The following DHX33 variants were observed in gnomAD, a reference collection of about 807,000 sequenced individuals.
DHX33 encodes DEAH-box helicase 33.
In DHX33, 42 loss-of-function variants were observed where a neutral mutation model predicts 72.5. The ratio of observed to expected loss-of-function variants is 0.58; its 90% CI spans 0.45 to 0.75. The LOEUF (loss-of-function observed/expected upper bound fraction) is 0.75. DHX33 is among the 30% of genes least tolerant of loss of function. The pLI is 0.00. For missense variants in DHX33, 842 were observed against 917.5 expected (o/e 0.92, Z 1.06); for synonymous variants, 358 against 366.1 (o/e 0.98, Z 0.25).
In DHX33 at chr17:5,456,041, G is replaced by C; in HGVS notation, c.991C>G (p.Leu331Val). The change falls in exon 5 of 12, where the codon CTG becomes GTG. Residue 331 changes from leucine to valine, a missense_variant. By Grantham distance (32) the Leu-to-Val change is conservative. Coordinates refer to ENST00000225296, the MANE Select transcript of DHX33 (RefSeq NM_020162.4). The stretch of plus-strand genomic sequence containing the variant: ...ACTCGGAGCTGCTGTGCATAGGGCA[G>C]GGAGGCGTACAGAGGAAGGACCAGC... The part of the protein sequence containing the change: ...AMLVLPLYAS[L>V]PYAQQLRVFQ... 2 of 1,613,232 alleles carry C rather than the reference G, an allele frequency of 1.2e-6. No homozygotes were observed. The highest frequency in any genetic ancestry group is 2.2e-5 in the South Asian group (2 of 91,036).
intron 8 of DHX33, among the ~76,000 whole-genome samples, chr17:5,452,553 A>G (rs931941600): frequency 6.7e-6 from 1 of 149,980 alleles, no homozygotes; most frequent in African/African-American, 2.5e-5. Context: ...ACAAAAACAA[A>G]AACAAAAACA....
chr17:5,444,364 C>G lies in DHX33; in HGVS notation c.1965G>C (p.Ser655=). Reference sequence around the variant, plus strand: ...CCGGCTTGCAGTGGAAGAGGACAGACGACGGGTGGATGGCCACTGGCTGGT... The same window carrying G: ...CCGGCTTGCAGTGGAAGAGGACAGAGGACGGGTGGATGGCCACTGGCTGGT... The part of the protein sequence containing the change: ...DTHQPVAIHP[S]SVLFHCKPAC... The change falls in exon 12 of 12, where the codon TCG becomes TCC. Residue 655 remains serine, a synonymous_variant. Coordinates refer to ENST00000225296, the MANE Select transcript of DHX33 (RefSeq NM_020162.4). The surrounding 1 kb of genome is among the most constrained non-coding windows in gnomAD (Gnocchi z 4.9). 1 of 1,614,188 alleles carries G rather than the reference C, an allele frequency of 6.2e-7. No individual in the cohort carries two copies. Among genetic ancestry groups the G allele is most frequent in the Non-Finnish European group, 8.5e-7 (1 of 1,180,056 alleles).
At position 5,461,916 on chromosome 17, in the gene DHX33, T is replaced by C. The variant is rs571246817; in HGVS notation, c.678+403A>G. Among the ~76,000 whole-genome samples, 5 of 150,338 alleles carry C rather than the reference T, an allele frequency of 3.3e-5. No homozygotes were observed. In the South Asian group the frequency reaches 1.1e-3, roughly 32 times the overall value. On this transcript the variant is annotated intron_variant, in intron 3 of 11. Coordinates refer to ENST00000225296, the MANE Select transcript of DHX33 (RefSeq NM_020162.4). ...GAAATACAAGTTGTCTATAAAGTTATGCTATTTAATGAACTTTCACTTTTT... is the reference window on the plus strand; with the variant it reads ...GAAATACAAGTTGTCTATAAAGTTACGCTATTTAATGAACTTTCACTTTTT...
At chr17:5,463,381 C>G (rs1338391458) in intron 2 of DHX33, 148 bp downstream of exon 2, 1 of 831,582 alleles carries the variant, frequency 1.2e-6, no homozygotes, top group Non-Finnish European at 1.9e-6. Flanking sequence ...CCTGATCTCT[C>G]AGGAGCTGGT....
intron 11 of DHX33, among the ~76,000 whole-genome samples, chr17:5,446,119 C>T (rs2151682118): frequency 6.6e-6 from 1 of 152,248 alleles, no homozygotes; most frequent in Admixed American, 6.5e-5. Context: ...GGGTTATAGG[C>T]ATGCACCACC....
chr17:5,465,739 A>ATC (rs1187289543), intron 1 of DHX33, among the ~76,000 whole-genome samples: 1 of 152,148 alleles, frequency 6.6e-6, no homozygotes, highest in Admixed American at 6.5e-5. Context: ...CACTACTGCC[A>ATC]TCGATCTTTT....
At chr17:5,448,602 TA>T (rs1234007648) in intron 11 of DHX33, among the ~76,000 whole-genome samples, 1 of 152,190 alleles carries the variant, frequency 6.6e-6, no homozygotes, top group Non-Finnish European at 1.5e-5. Flanking sequence ...ATTTACTATG[TA>T]AAAAAATACA....
chr17:5,455,343 A>C, intron 5 of DHX33, 72 bp from the exon 6 acceptor site: 83 of 1,225,898 alleles, frequency 6.8e-5, no homozygotes, highest in Non-Finnish European at 8.7e-5. Context: ...ACATATTCTC[A>C]CCATTAACTT....
intron 4 of DHX33, 27 bp from the exon 5 acceptor site, chr17:5,456,209 T>G (rs1219913088): frequency 6.2e-7 from 1 of 1,606,894 alleles, no homozygotes; most frequent in East Asian, 2.2e-5. Flanking sequence ...GTGGGTTTAC[T>G]AGGCATTGAT....
intron 6 of DHX33, among the ~76,000 whole-genome samples, chr17:5,454,854 C>T (rs531724667): frequency 6.6e-6 from 1 of 152,298 alleles, no homozygotes; most frequent in East Asian, 1.9e-4. Context: ...CTTTGATTGA[C>T]ACCCAGCTGT....
Position 5,468,925 on chromosome 17 carries a change from A to T in DHX33, c.-66T>A, listed in dbSNP as rs1008611570. On this transcript the variant is annotated 5_prime_UTR_variant, in exon 1 of 12. Coordinates refer to ENST00000225296, the MANE Select transcript of DHX33 (RefSeq NM_020162.4). Reference sequence around the variant, plus strand: ...CTCCTGCCCCCTCTCAGGTGCAGACAACAGGAGCACACCGCCCCTTCCTCG... The same window carrying T: ...CTCCTGCCCCCTCTCAGGTGCAGACTACAGGAGCACACCGCCCCTTCCTCG... The T allele has an allele frequency of 2.6e-6, 4 of 1,523,168 alleles. No homozygotes were observed. The highest frequency in any genetic ancestry group is 1.8e-6 in the Non-Finnish European group (2 of 1,128,014). 94.4% of individuals were successfully genotyped at this position (1,523,168 alleles called of 1,614,324 possible).
chr17:5,456,235 A>C (rs1917189029), intron 4 of DHX33, 53 bp from the exon 5 acceptor site: 2 of 1,541,370 alleles, frequency 1.3e-6, no homozygotes. Context: ...TGCAGCTTGC[A>C]CAGAAAAAGA....
In DHX33 at chr17:5,462,582, T is replaced by A. The variant is rs375115359; in HGVS notation, c.451-36A>T. On this transcript the variant is annotated intron_variant, in intron 2 of 11. Transcript: ENST00000225296. ...AAACAATTTATTCAGTCACCAAACA[T>A]TTCTTGAGCGCCCACTGTGTCCGGC... 3.9e-6 allele frequency: 6 copies of A among 1,542,310 alleles called. No homozygotes were observed. The African/African-American group carries it at 6.8e-5, about 17-fold the overall frequency.
At chr17:5,455,904 C>T (rs1273652885) in intron 5 of DHX33, 93 bp downstream of exon 5, 12 of 1,383,856 alleles carry the variant, frequency 8.7e-6, no homozygotes, top group African/African-American at 2.9e-5. Flanking sequence ...ATCCCATACA[C>T]CTTATCTGGA....
chr17:5,446,026 T>G lies in DHX33; in HGVS notation c.1816-1513A>C, dbSNP rs190950954. 2.0e-5 allele frequency among the ~76,000 whole-genome samples: 3 copies of G among 152,262 alleles called. No homozygotes were observed. In the East Asian group the frequency reaches 5.8e-4, roughly 29 times the overall value. On this transcript the variant is annotated intron_variant, in intron 11 of 11. Coordinates refer to ENST00000225296, the MANE Select transcript of DHX33 (RefSeq NM_020162.4). The stretch of plus-strand genomic sequence containing the variant: ...TCTCACTCTGTTGCCCAGGCTGGAG[T>G]GCAGTGGCACAATCCCAGCTCGCTG...
At chr17:5,465,773 G>A (rs1031137188) in intron 1 of DHX33, among the ~76,000 whole-genome samples, 6 of 152,046 alleles carry the variant, frequency 3.9e-5, no homozygotes, top group African/African-American at 7.2e-5. Context: ...AGCCTGTCTC[G>A]TCTCCATCCT....
In DHX33 at chr17:5,453,804, G is replaced by A; in HGVS notation, c.1307+17C>T. 1 of 1,613,696 alleles carries A rather than the reference G, an allele frequency of 6.2e-7. No homozygotes were observed. The highest frequency in any genetic ancestry group is 8.5e-7 in the Non-Finnish European group (1 of 1,179,802). On this transcript the variant is annotated intron_variant, in intron 7 of 11. Transcript: ENST00000225296. ...ATGGTGACAAACAGCAGCAGTGCAG[G>A]AGCAACTGGTGCCTACCTCTGGATC...
At chr17:5,467,544 A>G (rs1904928509) in intron 1 of DHX33, among the ~76,000 whole-genome samples, 1 of 152,182 alleles carries the variant, frequency 6.6e-6, no homozygotes, top group African/African-American at 2.4e-5. Flanking sequence ...TAAACCACAA[A>G]TAACATCTCC....
chr17:5,452,730 A>T (rs1916997567), intron 8 of DHX33, among the ~76,000 whole-genome samples: 1 of 152,170 alleles, frequency 6.6e-6, no homozygotes, highest in South Asian at 2.1e-4. Flanking sequence ...AAAATAAATA[A>T]ATAAATACAT....
Sources: allele counts gnomAD v4.1 joint callset (sites outside exome capture counted in the v4.1 genomes callset), GRCh38; gene constraint gnomAD v4.1.1; non-coding constraint Gnocchi (gnomAD v3.1); transcripts MANE v1.5; gene names NCBI Gene and HGNC (gene_info 2026-07-23, HGNC 2026-07-21).